The following MED13L variants were observed in gnomAD, a reference collection of about 807,000 sequenced individuals.
MED13L encodes mediator of RNA polymerase II transcription subunit 13-like.
In MED13L, 7 loss-of-function variants were observed where a neutral mutation model predicts 220.9. That is an observed-to-expected ratio of 0.03 (90% CI 0.02 to 0.06). The LOEUF (loss-of-function observed/expected upper bound fraction) is 0.06. Among genes scored for constraint, MED13L ranks in the 10% least tolerant of loss-of-function variants. The pLI, the probability that MED13L is intolerant of heterozygous loss-of-function variation, is 1.00. For synonymous variants in MED13L, 1,011 were observed against 1,015.2 expected, an observed-to-expected ratio of 1.00 and a Z score of 0.08; for missense variants, 1,965 against 2,760.5, an observed-to-expected ratio of 0.71 and a Z score of 6.46.
chr12:115,982,144 G>A, intron 22 of MED13L: 1 of 519,666 alleles, frequency 1.9e-6, no homozygotes, highest in Non-Finnish European at 3.5e-6. Context: ...TGTGTGTAAG[G>A]TGTATATGAA....
rs1305288927 is a variant in MED13L, at chr12:116,237,632, G to A, written c.146C>T (p.Ala49Val). The A allele has an allele frequency of 1.9e-6, 3 of 1,614,024 alleles. No individual in the cohort carries two copies. Among genetic ancestry groups the A allele is most frequent in the South Asian group, 1.1e-5 (1 of 91,088 alleles). The change falls in exon 2 of 31, where the codon GCC (alanine) becomes GTC (valine). Residue 49 changes from alanine to valine, a missense_variant. Physicochemically the swap from Ala to Val is moderately conservative, Grantham distance 64 (BLOSUM62 0). This residue lies in a region of MED13L where 818 missense variants were observed against 1,041.2 expected (regional missense o/e 0.79). Coordinates refer to ENST00000281928, the MANE Select transcript of MED13L (RefSeq NM_015335.5). ...CAGAATTGGATCATCTTGGGCTGGG[G>A]CTGAAATTATGGGTCCACAGTCCCC... ...GHGDCGPIIS[A>V]PAQDDPILLS...
intron 3 of MED13L, among the ~76,000 whole-genome samples, chr12:116,108,635 C>T (rs2137885053): frequency 6.6e-6 from 1 of 152,160 alleles, no homozygotes; most frequent in South Asian, 2.1e-4. Flanking sequence ...GGATTAGTAC[C>T]ATTTTTCAAA....
chr12:116,044,387 G>A (rs866906900), intron 4 of MED13L, among the ~76,000 whole-genome samples: 4 of 152,134 alleles, frequency 2.6e-5, no homozygotes, highest in African/African-American at 4.8e-5. Flanking sequence ...AACTCCACAC[G>A]AAAGAAAGCG....
intron 8 of MED13L, among the ~76,000 whole-genome samples, chr12:116,013,753 G>C (rs1401745252): frequency 2.0e-5 from 3 of 152,162 alleles, no homozygotes; most frequent in Admixed American, 1.3e-4. Flanking sequence ...CAATATTTTT[G>C]GATTGCTGAT....
At chr12:116,122,982 C>T (rs2137963141) in intron 2 of MED13L, among the ~76,000 whole-genome samples, 1 of 152,190 alleles carries the variant, frequency 6.6e-6, no homozygotes, top group East Asian at 1.9e-4. Context: ...AAAAAGAAAT[C>T]TTGCACAATG....
chr12:116,103,969 C>T lies in MED13L; in HGVS notation c.396-7217G>A, dbSNP rs1331549374. Among the ~76,000 whole-genome samples the T allele has an allele frequency of 5.4e-5, 8 of 148,824 alleles. No homozygotes were observed. In the East Asian group the frequency reaches 1.6e-3, roughly 30 times the overall value. On this transcript the variant is annotated intron_variant, in intron 3 of 30. Coordinates refer to ENST00000281928, the MANE Select transcript of MED13L (RefSeq NM_015335.5). ...TCCAGTGAGTATGTTATTCTGAAAT[C>T]CCTTCACCACCACATCCAAGGACAT...
chr12:116,203,086 G>A (rs1054441108), intron 2 of MED13L, among the ~76,000 whole-genome samples: 1 of 152,100 alleles, frequency 6.6e-6, no homozygotes, highest in Non-Finnish European at 1.5e-5. Context: ...AAAACAGCGG[G>A]ACCAAATTAA....
intron 28 of MED13L, among the ~76,000 whole-genome samples, chr12:115,968,463 G>A (rs899956201): frequency 1.3e-5 from 2 of 152,182 alleles, no homozygotes; most frequent in Non-Finnish European, 2.9e-5. Flanking sequence ...GAAGAAGGCT[G>A]CAAAATGACT....
At chr12:116,067,512 AC>A (rs1870038634) in intron 4 of MED13L, among the ~76,000 whole-genome samples, 1 of 152,248 alleles carries the variant, frequency 6.6e-6, no homozygotes, top group Non-Finnish European at 1.5e-5. Context: ...AATAAATGCT[AC>A]TGAAAAGTAG....
intron 4 of MED13L, among the ~76,000 whole-genome samples, chr12:116,055,450 G>A (rs376435882): frequency 6.6e-6 from 1 of 152,260 alleles, no homozygotes; most frequent in African/African-American, 2.4e-5. Context: ...AGATATAGAG[G>A]AGTCAAAGCA....
At chr12:116,219,829 G>A (rs1007832066) in intron 2 of MED13L, among the ~76,000 whole-genome samples, 5 of 152,048 alleles carry the variant, frequency 3.3e-5, no homozygotes, top group Admixed American at 6.5e-5. Context: ...ACAGAGTCTC[G>A]CTCTGTCTCC....
chr12:116,208,505 G>GT (rs1167196422), intron 2 of MED13L, among the ~76,000 whole-genome samples: 1 of 152,222 alleles, frequency 6.6e-6, no homozygotes, highest in Non-Finnish European at 1.5e-5. Context: ...TGGAGCAACA[G>GT]TTAACTATCA....
chr12:116,257,738 C>A (rs1872175813), intron 1 of MED13L, among the ~76,000 whole-genome samples: 1 of 152,104 alleles, frequency 6.6e-6, no homozygotes, highest in Admixed American at 6.5e-5. Flanking sequence ...TTAAAAAAAA[C>A]TGAAAGACTT....
intron 1 of MED13L, among the ~76,000 whole-genome samples, chr12:116,268,772 T>C (rs1873025444): frequency 6.6e-6 from 1 of 152,232 alleles, no homozygotes; most frequent in African/African-American, 2.4e-5. Context: ...AAAACTTGTT[T>C]ACAATTACAT....
At chr12:116,124,570 C>T (rs1875417919) in intron 2 of MED13L, among the ~76,000 whole-genome samples, 1 of 151,628 alleles carries the variant, frequency 6.6e-6, no homozygotes, top group South Asian at 2.1e-4. Flanking sequence ...AATGCTACTC[C>T]AAGACAGAAA....
intron 3 of MED13L, among the ~76,000 whole-genome samples, chr12:116,100,634 G>A (rs1174361681): frequency 6.6e-6 from 1 of 151,256 alleles, no homozygotes; most frequent in Non-Finnish European, 1.5e-5. Flanking sequence ...TAATCAGCCA[G>A]GCATGGTGGC....
chr12:116,128,891 C>T (rs548664821), intron 2 of MED13L, among the ~76,000 whole-genome samples: 1 of 152,150 alleles, frequency 6.6e-6, no homozygotes, highest in African/African-American at 2.4e-5. Flanking sequence ...TTATCATAAG[C>T]CACATCTACA....
intron 4 of MED13L, among the ~76,000 whole-genome samples, chr12:116,032,301 C>T (rs1475590201): frequency 1.3e-5 from 2 of 151,978 alleles, no homozygotes; most frequent in African/African-American, 4.8e-5. Flanking sequence ...ATAGCCAACC[C>T]AATTTTAAAG....
intron 2 of MED13L, among the ~76,000 whole-genome samples, chr12:116,197,783 A>G (rs950605050): frequency 6.5e-4 from 82 of 126,342 alleles, no homozygotes; most frequent in Non-Finnish European, 1.3e-3. Flanking sequence ...GAAAAAAAGG[A>G]AAAAAAAAAA....
Sources: allele counts gnomAD v4.1 joint callset (sites outside exome capture counted in the v4.1 genomes callset), GRCh38; gene constraint gnomAD v4.1.1; regional missense constraint gnomAD v4.1.1; transcripts MANE v1.5; gene names NCBI Gene and HGNC (gene_info 2026-07-23, HGNC 2026-07-21).